Variants in GRID1 observed in about 807,000 individuals in gnomAD.
GRID1 encodes glutamate ionotropic receptor delta type subunit 1.
Under a neutral mutation model 98.0 loss-of-function variants are expected in GRID1, and 28 were observed. That is an observed-to-expected ratio of 0.29 (90% CI 0.21 to 0.39). GRID1 has a LOEUF of 0.39. Ranked by LOEUF, GRID1 falls within the 10% of genes least tolerant of loss-of-function variation. The probability of loss-of-function intolerance (pLI) is 1.00; values close to 1 mark genes in which losing one functional copy is unlikely to be tolerated. For synonymous variants in GRID1, 553 were observed against 538.5 expected (o/e 1.03, Z -0.37); for missense variants, 1,111 against 1,340.5 (o/e 0.83, Z 2.67).
At chr10:85,805,947 G>A (rs917235518) in intron 8 of GRID1, among the ~76,000 whole-genome samples, 4 of 148,922 alleles carry the variant, frequency 2.7e-5, no homozygotes, top group Admixed American at 1.3e-4. Flanking sequence ...GAAACAAAAA[G>A]CCATAAAAGA....
chr10:85,904,757 T>C (rs1841436559), intron 5 of GRID1, among the ~76,000 whole-genome samples: 1 of 146,578 alleles, frequency 6.8e-6, no homozygotes, highest in South Asian at 2.1e-4. Context: ...AGATTAGACA[T>C]CGACAAACAA....
At chr10:85,882,491 A>T (rs1841046809) in intron 5 of GRID1, among the ~76,000 whole-genome samples, 1 of 152,184 alleles carries the variant, frequency 6.6e-6, no homozygotes, top group Non-Finnish European at 1.5e-5. Context: ...ATGAAACTGG[A>T]AACCATCATT....
chr10:85,935,472 A>C (rs1470921225), intron 4 of GRID1, among the ~76,000 whole-genome samples: 1 of 152,198 alleles, frequency 6.6e-6, no homozygotes, highest in African/African-American at 2.4e-5. Flanking sequence ...GCCAGTATAC[A>C]CGCAGAGTAT....
intron 4 of GRID1, among the ~76,000 whole-genome samples, chr10:86,074,324 C>A (rs1314025042): frequency 2.0e-5 from 3 of 152,168 alleles, no homozygotes; most frequent in Non-Finnish European, 4.4e-5. Flanking sequence ...CTCTCCCTCC[C>A]ACTCGTCCAT....
At chr10:86,282,678 C>T (rs1397120973) in intron 2 of GRID1, among the ~76,000 whole-genome samples, 2 of 152,132 alleles carry the variant, frequency 1.3e-5, no homozygotes, top group African/African-American at 4.8e-5. Flanking sequence ...AGAGTGCTGG[C>T]CTCTATCACT....
chr10:86,204,325 G>T (rs1845995456), intron 3 of GRID1, among the ~76,000 whole-genome samples: 2 of 152,198 alleles, frequency 1.3e-5, no homozygotes, highest in Non-Finnish European at 2.9e-5. Context: ...AGGCTGCAGG[G>T]CCATGGTGGT....
intron 2 of GRID1, among the ~76,000 whole-genome samples, chr10:86,209,583 T>C: frequency 6.6e-6 from 1 of 152,192 alleles, no homozygotes. Flanking sequence ...GAGAAAACAC[T>C]AAAAGCTAAG....
Position 85,696,926 on chromosome 10 carries a change from G to A in GRID1, c.1997+26077C>T, listed in dbSNP as rs148883704. Among the ~76,000 whole-genome samples the A allele has an allele frequency of 8.4e-4, 127 of 151,992 alleles. 1 individual carries two copies. In the East Asian group the frequency reaches 0.023, roughly 28 times the overall value. ...CTACATTATGTTAGTTATATTTCCT[G>A]TGAAGTTTCTAGATTGTTTATTTTT... On this transcript the variant is annotated intron_variant, in intron 12 of 15. Coordinates refer to ENST00000327946, the MANE Select transcript of GRID1 (RefSeq NM_017551.3).
intron 4 of GRID1, among the ~76,000 whole-genome samples, chr10:86,028,646 G>A (rs1221370013): frequency 2.6e-5 from 4 of 152,142 alleles, no homozygotes; most frequent in Non-Finnish European, 5.9e-5. Context: ...ACTTGCTCAG[G>A]ACAGCCAGGG....
At chr10:86,037,614 C>G (rs1843284799) in intron 4 of GRID1, among the ~76,000 whole-genome samples, 1 of 152,170 alleles carries the variant, frequency 6.6e-6, no homozygotes, top group Non-Finnish European at 1.5e-5. Context: ...CAGAGACATC[C>G]CTTTCCCCAG....
intron 8 of GRID1, among the ~76,000 whole-genome samples, chr10:85,769,558 T>C (rs1234950381): frequency 6.6e-6 from 1 of 152,136 alleles, no homozygotes; most frequent in Non-Finnish European, 1.5e-5. Flanking sequence ...GTCAGGGAGT[T>C]CCCTTTCCGA....
At chr10:85,832,056 T>A (rs982086551) in intron 8 of GRID1, among the ~76,000 whole-genome samples, 1 of 151,864 alleles carries the variant, frequency 6.6e-6, no homozygotes, top group Non-Finnish European at 1.5e-5. Flanking sequence ...AGAAAACAAT[T>A]TTTTTTGTGC....
intron 8 of GRID1, among the ~76,000 whole-genome samples, chr10:85,797,196 C>G (rs1842533069): frequency 1.3e-5 from 2 of 151,952 alleles, no homozygotes; most frequent in Admixed American, 6.6e-5. Flanking sequence ...AACCTCAAAA[C>G]ACTGGATAAT....
chr10:85,697,490 CTG>C (rs1333247464), intron 12 of GRID1, among the ~76,000 whole-genome samples: 1 of 152,096 alleles, frequency 6.6e-6, no homozygotes, highest in Non-Finnish European at 1.5e-5. Context: ...CTCAATGTAT[CTG>C]TGTCTCTTTG....
chr10:86,072,070 G>A (rs1340792137), intron 4 of GRID1, among the ~76,000 whole-genome samples: 2 of 152,152 alleles, frequency 1.3e-5, no homozygotes, highest in Non-Finnish European at 2.9e-5. Flanking sequence ...CGGGGGTGAA[G>A]GAAAGGTAGC....
At chr10:85,897,579 T>G (rs952973883) in intron 5 of GRID1, among the ~76,000 whole-genome samples, 1 of 152,164 alleles carries the variant, frequency 6.6e-6, no homozygotes, top group Non-Finnish European at 1.5e-5. Flanking sequence ...TGTTATTGAG[T>G]GCCTACAGAA....
chr10:86,119,534 CA>C (rs571857322), intron 4 of GRID1, among the ~76,000 whole-genome samples: 137 of 152,134 alleles, frequency 9.0e-4, no homozygotes, highest in Non-Finnish European at 1.6e-3. Flanking sequence ...AAAGTTTATT[CA>C]AAAAATTGGA....
At chr10:86,179,826 G>C (rs1212560512) in intron 3 of GRID1, among the ~76,000 whole-genome samples, 2 of 152,188 alleles carry the variant, frequency 1.3e-5, no homozygotes, top group Non-Finnish European at 2.9e-5. Flanking sequence ...ATCCTCCCCA[G>C]GGCATCCTCC....
intron 4 of GRID1, among the ~76,000 whole-genome samples, chr10:85,923,716 TGGTTTCTACC>T (rs1841737822): frequency 6.6e-6 from 1 of 152,178 alleles, no homozygotes; most frequent in East Asian, 1.9e-4. Flanking sequence ...AAAACCCATA[TGGTTTCTACC>T]GTGTTCCACT....
Sources: gnomAD v4.1 joint callset for allele counts (sites outside exome capture counted in the v4.1 genomes callset) on GRCh38, gnomAD v4.1.1 for gene constraint, MANE v1.5 for transcripts, NCBI Gene and HGNC (gene_info 2026-07-23, HGNC 2026-07-21) for gene names.